CDRT15L2: variants seen among roughly 807,000 people sequenced by gnomAD.
CDRT15L2 encodes CMT1A duplicated region transcript 15 like 2.
Under a neutral mutation model 21.5 loss-of-function variants are expected in CDRT15L2, and 13 were observed. The observed-to-expected ratio is 0.60, with a 90% CI of 0.39 to 0.96. CDRT15L2 has a LOEUF of 0.96. CDRT15L2 is among the 40% of genes least tolerant of loss of function. CDRT15L2 has a pLI of 0.00. For synonymous variants in CDRT15L2, 121 were observed against 144.9 expected, an observed-to-expected ratio of 0.84 and a Z score of 1.18; for missense variants, 292 against 354.8, an observed-to-expected ratio of 0.82 and a Z score of 1.42.
Position 20,580,219 on chromosome 17 carries a change from G to A in CDRT15L2, c.336G>A (p.Glu112=). 1.4e-6 allele frequency: 2 copies of A among 1,471,076 alleles called. No homozygotes were observed. The highest frequency in any genetic ancestry group is 4.9e-5 in the East Asian group (2 of 40,448). The allele number at this position is 1,471,076 out of a possible 1,614,324, so 91.1% of individuals were successfully genotyped here. A position where few individuals can be genotyped will look rare whatever the true frequency, so the allele number is the denominator to read the frequency against. The change falls in exon 2 of 2, where the codon GAG becomes GAA. Residue 112 remains glutamate (E), a synonymous_variant. Transcript: ENST00000399044. ...PAVEPKPAWE[E]PPPERALEVE... ...TCGAGCCAAAGCCAGCATGGGAAGA[G>A]CCCCCTCCAGAGAGAGCGCTGGAGG...
rs1181734987 is a variant in CDRT15L2, at chr17:20,579,834, A to G, written c.91A>G (p.Ile31Val). The G allele has an allele frequency of 8.7e-6, 14 of 1,612,422 alleles. No homozygotes were observed. Among genetic ancestry groups the G allele is most frequent in the Non-Finnish European group, 9.3e-6 (11 of 1,179,770 alleles). The change falls in exon 1 of 2, where the codon ATC becomes GTC. Residue 31 changes from isoleucine to valine, a missense_variant. Transcript: ENST00000399044. Reference protein sequence around the residue: ...SLFRQCRRRLIPHPRRLWPFV... With the variant: ...SLFRQCRRRLVPHPRRLWPFV... ...TTTCCGACAATGCCGAAGAAGGCTC[A>G]TCCCTCACCCCAGACGCCTGTGGCC...
Position 20,580,246 on chromosome 17 carries a change from G to A in CDRT15L2, c.363G>A (p.Val121=). The part of the protein sequence containing the change: ...EEPPPERALE[V]EGAPAKDQPS... ...CCCCTCCAGAGAGAGCGCTGGAGGT[G>A]GAGGGAGCTCCAGCCAAGGACCAGC... The change falls in exon 2 of 2, where the codon GTG becomes GTA. Residue 121 remains valine (V), a synonymous_variant. Coordinates refer to ENST00000399044, the MANE Select transcript of CDRT15L2 (RefSeq NM_001190790.2). 1 of 1,474,436 alleles carries A rather than the reference G, an allele frequency of 6.8e-7. No homozygotes were observed. Among genetic ancestry groups the A allele is most frequent in the Non-Finnish European group, 9.0e-7 (1 of 1,112,006 alleles). The allele number at this position is 1,474,436 out of a possible 1,614,324, so 91.3% of individuals were successfully genotyped here.
intron 1 of CDRT15L2, 27 bp from the exon 2 acceptor site, chr17:20,580,122 T>G: frequency 2.7e-6 from 4 of 1,472,240 alleles, no homozygotes; most frequent in Non-Finnish European, 3.6e-6. Context: ...AAGTGACTGA[T>G]GCTGGTGACC....
chr17:20,580,762 G>A lies in CDRT15L2; in HGVS notation c.*33G>A. 6.8e-7 allele frequency: 1 copy of A among 1,466,448 alleles called. No homozygotes were observed. The highest frequency in any genetic ancestry group is 9.2e-7 in the Non-Finnish European group (1 of 1,082,604). The allele number at this position is 1,466,448 out of a possible 1,614,324, so 90.8% of individuals were successfully genotyped here. ...GCAGGGGTTGAGGGGACCAGGAGGT[G>A]GCTCCAAAGGGTACAGCAAGGAAAG... On this transcript the variant is annotated 3_prime_UTR_variant, in exon 2 of 2. Transcript: ENST00000399044.
At position 20,580,530 on chromosome 17, in the gene CDRT15L2, G is replaced by T. The variant is rs766343415; in HGVS notation, c.647G>T (p.Gly216Val). Residue 216 changes from glycine to valine, a missense_variant, in exon 2 of 2, where the codon GGC (glycine) becomes GTC (valine). Coordinates refer to ENST00000399044, the MANE Select transcript of CDRT15L2 (RefSeq NM_001190790.2). ...FAGTTALLLQGLFIVLILVGY... is the reference protein window; with the variant it reads ...FAGTTALLLQVLFIVLILVGY... ...GGAACCACAGCCCTGCTGCTGCAGG[G>T]CCTGTTTATTGTGCTAATTCTGGTG... The T allele has an allele frequency of 3.2e-6, 5 of 1,550,790 alleles. No homozygotes were observed. The highest frequency in any genetic ancestry group is 4.4e-6 in the Non-Finnish European group (5 of 1,147,026).
At position 20,579,908 on chromosome 17, in the gene CDRT15L2, C is replaced by T. The variant is rs1257448662; in HGVS notation, c.165C>T (p.Ala55=). ...TACCACAGGACAGCCCGGGGCAGGC[C>T]CTAGCTGGCCAGGCCACACCAGAGA... is the stretch of plus-strand genomic sequence containing the variant. ...TQVPQDSPGQ[A]LAGQATPEIP... The change falls in exon 1 of 2, where the codon GCC becomes GCT. Residue 55 remains alanine (A), a synonymous_variant. Transcript: ENST00000399044. The T allele has an allele frequency of 1.9e-6, 3 of 1,604,156 alleles. No individual in the cohort carries two copies. The highest frequency in any genetic ancestry group is 2.2e-5 in the South Asian group (2 of 89,582).
rs1373560340 is a variant in CDRT15L2 at position 20,580,477 on chromosome 17, C to T, written c.594C>T (p.Leu198=). Residue 198 remains leucine (L), a synonymous_variant, in exon 2 of 2, where the codon CTC becomes CTT. Transcript: ENST00000399044. ...GCATTCAGACTGGACTCCTGTACCT[C>T]GCTGGAGAGAGGCTTCTCTCATTCG... ...DQGIQTGLLY[L]AGERLLSFAG... The T allele has an allele frequency of 9.0e-6, 14 of 1,550,354 alleles. No homozygotes were observed. In the East Asian group the frequency reaches 1.2e-4, roughly 14 times the overall value.
At chr17:20,580,032 A>C in intron 1 of CDRT15L2, 24 bp downstream of exon 1, 1 of 1,507,080 alleles carries the variant, frequency 6.6e-7, no homozygotes, top group Non-Finnish European at 8.9e-7. Flanking sequence ...AGCCTGGAAG[A>C]CTTTGCGGGG....
rs1329318728 is a variant in CDRT15L2, at chr17:20,580,399, C to G, written c.516C>G (p.Ser172=). 2 of 1,524,654 alleles carry G rather than the reference C, an allele frequency of 1.3e-6. No homozygotes were observed. The highest frequency in any genetic ancestry group is 1.8e-6 in the Non-Finnish European group (2 of 1,130,314). 94.4% of individuals were successfully genotyped at this position (1,524,654 alleles called of 1,614,324 possible). The part of the protein sequence containing the change: ...GVTSTAPASR[S]HAAPSPGHGG... Reference sequence around the variant, plus strand: ...CAAGCACAGCCCCAGCCAGCAGATCCCATGCTGCCCCTAGTCCTGGGCATG... The same window carrying G: ...CAAGCACAGCCCCAGCCAGCAGATCGCATGCTGCCCCTAGTCCTGGGCATG... The change falls in exon 2 of 2, where the codon TCC becomes TCG. Residue 172 remains serine, a synonymous_variant. Transcript: ENST00000399044.
In CDRT15L2 at chr17:20,580,419, G is replaced by A; in HGVS notation, c.536G>A (p.Gly179Glu). 2 of 1,545,330 alleles carry A rather than the reference G, an allele frequency of 1.3e-6. No individual in the cohort carries two copies. Among genetic ancestry groups the A allele is most frequent in the East Asian group, 2.4e-5 (1 of 40,848 alleles). Residue 179 changes from glycine to glutamate, a missense_variant, in exon 2 of 2, where the codon GGG (glycine) becomes GAG (glutamate). Coordinates refer to ENST00000399044, the MANE Select transcript of CDRT15L2 (RefSeq NM_001190790.2). ...AGATCCCATGCTGCCCCTAGTCCTGGGCATGGTGGCAAACATGGAGGCGGA... is the reference window on the plus strand; with the variant it reads ...AGATCCCATGCTGCCCCTAGTCCTGAGCATGGTGGCAAACATGGAGGCGGA... ...ASRSHAAPSP[G>E]HGGKHGGGDQ...
chr17:20,580,078 T>A lies in CDRT15L2; in HGVS notation c.265+70T>A, dbSNP rs575429889. 104 of 1,480,732 alleles carry A rather than the reference T, an allele frequency of 7.0e-5. 4 individuals are homozygous for A. The South Asian group carries it at 1.4e-3, about 19-fold the overall frequency. The allele number at this position is 1,480,732 out of a possible 1,614,324, so 91.7% of individuals were successfully genotyped here. On this transcript the variant is annotated intron_variant, in intron 1 of 1. Coordinates refer to ENST00000399044, the MANE Select transcript of CDRT15L2 (RefSeq NM_001190790.2). ...TGGGCTGGAATGCCTTTGAATTCAG[T>A]GAGGTTGTCTCTGTGTTTGGAAATT...
chr17:20,580,465 A>G lies in CDRT15L2; in HGVS notation c.582A>G (p.Gly194=), dbSNP rs1169906328. 1.9e-6 allele frequency: 3 copies of G among 1,549,682 alleles called. No individual in the cohort carries two copies. The highest frequency in any genetic ancestry group is 2.6e-6 in the Non-Finnish European group (3 of 1,146,636). Residue 194 remains glycine, a synonymous_variant, in exon 2 of 2, where the codon GGA becomes GGG. Transcript: ENST00000399044. ...GCGGAGACCAGGGCATTCAGACTGG[A>G]CTCCTGTACCTCGCTGGAGAGAGGC... The part of the protein sequence containing the change: ...HGGGDQGIQT[G]LLYLAGERLL...
At chr17:20,580,120 G>A (rs1226643920) in intron 1 of CDRT15L2, 29 bp from the exon 2 acceptor site, 1 of 1,471,390 alleles carries the variant, frequency 6.8e-7, no homozygotes, top group Non-Finnish European at 9.0e-7. Context: ...GAAAGTGACT[G>A]ATGCTGGTGA....
Position 20,579,796 on chromosome 17 carries a change from G to C in CDRT15L2, c.53G>C (p.Gly18Ala), listed in dbSNP as rs1366298716. 3.7e-6 allele frequency: 6 copies of C among 1,609,604 alleles called. No individual in the cohort carries two copies. In the East Asian group the frequency reaches 1.1e-4, roughly 30 times the overall value. ...TSRGCCFRNG[G>A]SESLFRQCRR... ...AGAGGTTGCTGCTTCAGGAATGGAG[G>C]GAGTGAGAGCCTTTTCCGACAATGC... The change falls in exon 1 of 2, where the codon GGG becomes GCG. Residue 18 changes from glycine to alanine, a missense_variant. Transcript: ENST00000399044.
At position 20,580,672 on chromosome 17, in the gene CDRT15L2, C is replaced by A; in HGVS notation, c.789C>A (p.Val263=). The part of the protein sequence containing the change: ...RNLLLQAWKC[V]CNWASRLFAP... The stretch of plus-strand genomic sequence containing the variant: ...TTCTCCTCCAGGCATGGAAGTGTGT[C>A]TGCAACTGGGCATCCAGGCTGTTTG... The change falls in exon 2 of 2, where the codon GTC becomes GTA. Residue 263 remains valine (V), a synonymous_variant. Transcript: ENST00000399044. 1 of 1,560,280 alleles carries A rather than the reference C, an allele frequency of 6.4e-7. No homozygotes were observed. Among genetic ancestry groups the A allele is most frequent in the East Asian group, 2.4e-5 (1 of 42,488 alleles).
At position 20,579,982 on chromosome 17, in the gene CDRT15L2, G is replaced by C. The variant is rs536986807; in HGVS notation, c.239G>C (p.Arg80Pro). ...ATTGTCCTTGTCCAGGAGGAGATTCGGGAGCCCATGGAGGCACAGACACAT... is the reference window on the plus strand; with the variant it reads ...ATTGTCCTTGTCCAGGAGGAGATTCCGGAGCCCATGGAGGCACAGACACAT... ...LHIVLVQEEIREPMEAQTHAP... is the reference protein window; with the variant it reads ...LHIVLVQEEIPEPMEAQTHAP... The change falls in exon 1 of 2, where the codon CGG (arginine) becomes CCG (proline). Residue 80 changes from arginine to proline, a missense_variant. Arg to Pro is a moderately radical substitution (Grantham distance 103). Transcript: ENST00000399044. 1.9e-6 allele frequency: 3 copies of C among 1,558,044 alleles called. No homozygotes were observed. Among genetic ancestry groups the C allele is most frequent in the South Asian group, 1.2e-5 (1 of 84,306 alleles).
rs747438601 is a variant in CDRT15L2 at position 20,580,605 on chromosome 17, G to T, written c.722G>T (p.Gly241Val). The T allele has an allele frequency of 3.1e-5, 48 of 1,551,488 alleles. No homozygotes were observed. The highest frequency in any genetic ancestry group is 3.9e-5 in the Non-Finnish European group (45 of 1,147,050). ...VMLKSIKTRL[G>V]RRVPAAPPAL... ...CTCAAGAGCATTAAAACAAGGCTGG[G>T]AAGAAGAGTTCCAGCAGCTCCTCCT... The change falls in exon 2 of 2, where the codon GGA (glycine) becomes GTA (valine). Residue 241 changes from glycine (G) to valine (V), a missense_variant. By Grantham distance (109) the Gly-to-Val change is moderately radical (BLOSUM62 -3). Transcript: ENST00000399044.
Position 20,579,913 on chromosome 17 carries a change from C to T in CDRT15L2, c.170C>T (p.Ala57Val), listed in dbSNP as rs749652660. Residue 57 changes from alanine (A) to valine (V), a missense_variant, in exon 1 of 2, where the codon GCT becomes GTT. Transcript: ENST00000399044. ...CAGGACAGCCCGGGGCAGGCCCTAGCTGGCCAGGCCACACCAGAGATCCCA... is the reference window on the plus strand; with the variant it reads ...CAGGACAGCCCGGGGCAGGCCCTAGTTGGCCAGGCCACACCAGAGATCCCA... ...VPQDSPGQAL[A>V]GQATPEIPSG... is the part of the protein sequence containing the mutation. The T allele has an allele frequency of 8.7e-6, 14 of 1,602,956 alleles. No homozygotes were observed. The African/African-American group carries it at 1.6e-4, about 18-fold the overall frequency.
At position 20,580,150 on chromosome 17, in the gene CDRT15L2, T is replaced by C; in HGVS notation, c.267T>C (p.Ala89=). The C allele has an allele frequency of 6.7e-7, 1 of 1,483,196 alleles. No individual in the cohort carries two copies. The highest frequency in any genetic ancestry group is 9.0e-7 in the Non-Finnish European group (1 of 1,115,712). The allele number at this position is 1,483,196 out of a possible 1,614,324, so 91.9% of individuals were successfully genotyped here. The part of the protein sequence containing the change: ...IREPMEAQTH[A]PGPYADIAAL... The stretch of plus-strand genomic sequence containing the variant: ...TGGTGACCCTTTCTCCTTTTTCAGC[T>C]CCTGGTCCGTACGCAGACATAGCAG... Residue 89 remains alanine (A), a splice_region_variant and synonymous_variant, in exon 2 of 2, where the codon GCT becomes GCC. Coordinates refer to ENST00000399044, the MANE Select transcript of CDRT15L2 (RefSeq NM_001190790.2).
Sources: allele counts gnomAD v4.1 joint callset, GRCh38; gene constraint gnomAD v4.1.1; transcripts MANE v1.5; gene names NCBI Gene and HGNC (gene_info 2026-07-23, HGNC 2026-07-21).